The following ADGRL1 variants were observed in gnomAD, a reference collection of about 807,000 sequenced individuals.
ADGRL1 encodes CIRL-1.
ADGRL1 carries 31 observed loss-of-function variants against 148.9 expected under a neutral mutation model. The ratio of observed to expected loss-of-function variants is 0.21; its 90% CI spans 0.16 to 0.28. The LOEUF is 0.28. Among genes scored for constraint, ADGRL1 ranks in the 10% least tolerant of loss-of-function variants. The pLI is 1.00. For synonymous variants in ADGRL1, 937 were observed against 900.3 expected (o/e 1.04, Z -0.73); for missense variants, 1,521 against 2,058.8 (o/e 0.74, Z 5.05).
chr19:14,161,573 G>A lies in ADGRL1; in HGVS notation c.1249C>T (p.Leu417Phe), dbSNP rs776138447. ...GCTGCGGGCGAGGCTGTGCTGGTGAGGGGCGTGGGCCTGGCTGTGGTGGTC... is the reference window on the plus strand; with the variant it reads ...GCTGCGGGCGAGGCTGTGCTGGTGAAGGGCGTGGGCCTGGCTGTGGTGGTC... ...STTTTARPTP[L>F]TSTASPAATT... Residue 417 changes from leucine to phenylalanine, a missense_variant, in exon 6 of 23, where the codon CTC becomes TTC. Coordinates refer to ENST00000361434, the MANE Select transcript of ADGRL1 (RefSeq NM_014921.5). The surrounding 1 kb of genome is among the most constrained non-coding windows in gnomAD (Gnocchi z 4.4). The A allele has an allele frequency of 2.8e-6, 4 of 1,452,172 alleles. No individual in the cohort carries two copies. The highest frequency in any genetic ancestry group is 2.7e-6 in the Non-Finnish European group (3 of 1,105,694). 90.0% of individuals were successfully genotyped at this position (1,452,172 alleles called of 1,614,324 possible).
chr19:14,160,153 G>T lies in ADGRL1; in HGVS notation c.1759C>A (p.Arg587=), dbSNP rs868060611. ...CCGGCTGACTCGCGCTCGATGGGCC[G>T]CAGGGCCTGCAGCTGGGCATCCAGG... ...DILDAQLQAL[R]PIERESAGKN... Residue 587 remains arginine, a synonymous_variant, in exon 8 of 23, where the codon CGG becomes AGG. Coordinates refer to ENST00000361434, the MANE Select transcript of ADGRL1 (RefSeq NM_014921.5). The surrounding 1 kb of genome is among the most constrained non-coding windows in gnomAD (Gnocchi z 5.9). 1 of 1,594,280 alleles carries T rather than the reference G, an allele frequency of 6.3e-7. No homozygotes were observed. Among genetic ancestry groups the T allele is most frequent in the Non-Finnish European group, 8.6e-7 (1 of 1,164,086 alleles).
chr19:14,193,980 G>A (rs1181890908), intron 1 of ADGRL1, among the ~76,000 whole-genome samples: 1 of 152,110 alleles, frequency 6.6e-6, no homozygotes, highest in African/African-American at 2.4e-5. Context: ...AGTGGCTCAC[G>A]CCTGTAATCC....
intron 3 of ADGRL1, among the ~76,000 whole-genome samples, chr19:14,173,171 G>A (rs1970596982): frequency 6.6e-6 from 1 of 152,106 alleles, no homozygotes; most frequent in South Asian, 2.1e-4. Flanking sequence ...GTGTTGCCTA[G>A]GCTGGTCTCA....
intron 1 of ADGRL1, among the ~76,000 whole-genome samples, chr19:14,201,422 T>C (rs1391623920): frequency 2.0e-5 from 3 of 151,530 alleles, no homozygotes; most frequent in African/African-American, 7.3e-5. Flanking sequence ...GGGGCATTTT[T>C]TTTTTTTTTT....
At chr19:14,174,483 T>A (rs1325436122) in intron 3 of ADGRL1, among the ~76,000 whole-genome samples, 1 of 150,314 alleles carries the variant, frequency 6.7e-6, no homozygotes, top group Non-Finnish European at 1.5e-5. Flanking sequence ...TGCCCAAACC[T>A]CTCCTGCTCT....
intron 1 of ADGRL1, among the ~76,000 whole-genome samples, chr19:14,194,604 A>C (rs536516053): frequency 1.8e-4 from 28 of 152,334 alleles, no homozygotes; most frequent in East Asian, 9.6e-4. Context: ...AGATATACCC[A>C]GGGACACTCA....
chr19:14,184,323 G>C (rs1028919900), intron 1 of ADGRL1, among the ~76,000 whole-genome samples: 3 of 152,076 alleles, frequency 2.0e-5, no homozygotes, highest in South Asian at 2.1e-4. Flanking sequence ...TCCCCCTCTG[G>C]GGGGGCCAGG....
At chr19:14,202,586 T>C (rs1308182932) in intron 1 of ADGRL1, among the ~76,000 whole-genome samples, 1 of 152,088 alleles carries the variant, frequency 6.6e-6, no homozygotes, top group Non-Finnish European at 1.5e-5. Context: ...CCCATATGTG[T>C]TGCTAGAGTG....
chr19:14,184,638 A>ATTT (rs1293975046), intron 1 of ADGRL1, among the ~76,000 whole-genome samples: 2,038 of 120,830 alleles, frequency 0.017, 80 homozygotes, highest in Non-Finnish European at 0.025. Context: ...TTATTTATTT[A>ATTT]TTTATTTATT....
rs1475387753 is a variant in ADGRL1, at chr19:14,162,200, C to T, written c.1195+406G>A. Among the ~76,000 whole-genome samples, 1 of 152,198 alleles carries T rather than the reference C, an allele frequency of 6.6e-6. No individual in the cohort carries two copies. The highest frequency in any genetic ancestry group is 2.4e-5 in the African/African-American group (1 of 41,446). On this transcript the variant is annotated intron_variant, in intron 5 of 22. Coordinates refer to ENST00000361434, the MANE Select transcript of ADGRL1 (RefSeq NM_014921.5). The surrounding 1 kb of genome is among the most constrained non-coding windows in gnomAD (Gnocchi z 5.4). ...GCAGAGTTGCCCTCAGCCCGGTCAG[C>T]ATCAGCAGCTCAGCTCTTTTGTGGA... is the stretch of plus-strand genomic sequence containing the variant.
chr19:14,171,914 G>A (rs1014532748), intron 3 of ADGRL1, among the ~76,000 whole-genome samples: 8 of 152,330 alleles, frequency 5.3e-5, no homozygotes, highest in Admixed American at 3.3e-4. Context: ...GGCAGGACAC[G>A]GGCATGCAGG....
Position 14,157,182 on chromosome 19 carries a change from G to A in ADGRL1, c.2746-37C>T. The A allele has an allele frequency of 6.2e-7, 1 of 1,613,170 alleles. No homozygotes were observed. Among genetic ancestry groups the A allele is most frequent in the African/African-American group, 1.3e-5 (1 of 75,012 alleles). On this transcript the variant is annotated intron_variant, in intron 14 of 22. Transcript: ENST00000361434. The surrounding 1 kb of genome is among the most constrained non-coding windows in gnomAD (Gnocchi z 7.5). ...ACTGAGGGTGAGGGGCTGCTGCCTG[G>A]ACAGGTGTCCCCCTTCTTCTCCCGG... is the stretch of plus-strand genomic sequence containing the variant.
chr19:14,159,836 C>T lies in ADGRL1; in HGVS notation c.1801-63G>A. On this transcript the variant is annotated intron_variant, in intron 8 of 22. Coordinates refer to ENST00000361434, the MANE Select transcript of ADGRL1 (RefSeq NM_014921.5). The surrounding 1 kb of genome is among the most constrained non-coding windows in gnomAD (Gnocchi z 6.0). ...GGGTGCCGGTTCCCTCACCCTAATACTGTCACATCTGGATAGCTCTCTCGT... is the reference window on the plus strand; with the variant it reads ...GGGTGCCGGTTCCCTCACCCTAATATTGTCACATCTGGATAGCTCTCTCGT... 7.3e-7 allele frequency: 1 copy of T among 1,365,764 alleles called. No individual in the cohort carries two copies. The allele number at this position is 1,365,764 out of a possible 1,614,324, so 84.6% of individuals were successfully genotyped here.
intron 1 of ADGRL1, among the ~76,000 whole-genome samples, chr19:14,194,509 CAT>C (rs1972136002): frequency 6.6e-6 from 1 of 152,234 alleles, no homozygotes; most frequent in African/African-American, 2.4e-5. Context: ...ACGTGTAACT[CAT>C]GTAATCCTAA....
chr19:14,155,707 T>C lies in ADGRL1; in HGVS notation c.3126-180A>G. 1.6e-6 allele frequency: 1 copy of C among 611,126 alleles called. No homozygotes were observed. The highest frequency in any genetic ancestry group is 2.9e-6 in the Non-Finnish European group (1 of 348,210). 37.9% of individuals were successfully genotyped at this position (611,126 alleles called of 1,614,324 possible). A position where few individuals can be genotyped will look rare whatever the true frequency, so the allele number is the denominator to read the frequency against. ...TGCCCAGGACACCTCCACCGGAGCC[T>C]GGGCCTGAGGGAAAGGTACTGGGTC... On this transcript the variant is annotated intron_variant, in intron 17 of 22. Transcript: ENST00000361434. This position sits in a 1 kb window ranked among gnomAD's most constrained non-coding sequence, Gnocchi z 5.0.
intron 3 of ADGRL1, among the ~76,000 whole-genome samples, chr19:14,173,490 A>C (rs1031311037): frequency 4.6e-5 from 7 of 152,212 alleles, no homozygotes; most frequent in Non-Finnish European, 8.8e-5. Context: ...CAGTTTAGGC[A>C]TCCACTGGGG....
At chr19:14,177,028 G>GAA (rs1599469261) in intron 3 of ADGRL1, among the ~76,000 whole-genome samples, 1 of 151,818 alleles carries the variant, frequency 6.6e-6, no homozygotes, top group East Asian at 1.9e-4. Flanking sequence ...TCAGGAGTTC[G>GAA]AGACCTGCCT....
intron 2 of ADGRL1, among the ~76,000 whole-genome samples, chr19:14,180,586 GTCACCAAGGTTAGAGCACAGTGGTGTGA>G (rs1347552037): frequency 4.6e-5 from 7 of 151,758 alleles, no homozygotes; most frequent in Non-Finnish European, 1.5e-5. Context: ...GTCTCACCCT[GTCACCAAGGTTAGAGCACAGTGGTGTGA>G]TCATAGCTCA....
Position 14,157,999 on chromosome 19 carries a change from G to A in ADGRL1, c.2418C>T (p.Ser806=). 7 of 1,614,214 alleles carry A rather than the reference G, an allele frequency of 4.3e-6. No homozygotes were observed. Among genetic ancestry groups the A allele is most frequent in the South Asian group, 1.1e-5 (1 of 91,090 alleles). ...CTTGGGTCGACCAGTAGCCCAGCATGGAACGCTCCGAGTAGTTCCAGAAGG... is the reference window on the plus strand; with the variant it reads ...CTTGGGTCGACCAGTAGCCCAGCATAGAACGCTCCGAGTAGTTCCAGAAGG... ...NCSFWNYSER[S]MLGYWSTQGC... is the part of the protein sequence containing the mutation. Residue 806 remains serine, a synonymous_variant, in exon 13 of 23, where the codon TCC becomes TCT. Transcript: ENST00000361434. This position sits in a 1 kb window ranked among gnomAD's most constrained non-coding sequence, Gnocchi z 7.5.
Sources: gnomAD v4.1 joint callset for allele counts (sites outside exome capture counted in the v4.1 genomes callset) on GRCh38, gnomAD v4.1.1 for gene constraint, Gnocchi (gnomAD v3.1) non-coding constraint, MANE v1.5 for transcripts, NCBI Gene and HGNC (gene_info 2026-07-23, HGNC 2026-07-21) for gene names.